Variants in ENTHD1 observed in about 807,000 individuals in gnomAD.
ENTHD1 encodes ENTH domain containing 1.
ENTHD1 carries 23 observed loss-of-function variants against 39.1 expected under a neutral mutation model. That is an observed-to-expected ratio of 0.59 (90% CI 0.42 to 0.83). ENTHD1 has a LOEUF of 0.83. ENTHD1 is among the 40% of genes least tolerant of loss of function. The pLI is 0.00. For missense variants in ENTHD1, 624 were observed against 705.4 expected (o/e 0.88, Z 1.31); for synonymous variants, 230 against 258.2 (o/e 0.89, Z 1.05).
At chr22:39,841,721 A>C (rs2065945583) in intron 3 of ENTHD1, among the ~76,000 whole-genome samples, 2 of 150,224 alleles carry the variant, frequency 1.3e-5, no homozygotes, top group African/African-American at 4.9e-5. Flanking sequence ...TAATTGGAGC[A>C]TTTAGTCCAT....
At chr22:39,845,255 T>C (rs1189397689) in intron 3 of ENTHD1, among the ~76,000 whole-genome samples, 1 of 152,190 alleles carries the variant, frequency 6.6e-6, no homozygotes, top group Non-Finnish European at 1.5e-5. Flanking sequence ...GGGCCCATGT[T>C]AACCCCATTT....
rs115868263 is a variant in ENTHD1 at position 39,802,949 on chromosome 22, G to A, written c.832+18044C>T. The stretch of plus-strand genomic sequence containing the variant: ...TTCCATTGCCAGTGCCTTTGTCCTC[G>A]GTCACGGTCACTTGGATAGTCAATA... On this transcript the variant is annotated intron_variant, in intron 5 of 6. Transcript: ENST00000325157. Among the ~76,000 whole-genome samples, 412 of 152,200 alleles carry A rather than the reference G, an allele frequency of 2.7e-3. 1 individual carries two copies. Among genetic ancestry groups the A allele is most frequent in the African/African-American group, 9.4e-3 (389 of 41,528 alleles).
chr22:39,813,639 A>G (rs894947090), intron 5 of ENTHD1, among the ~76,000 whole-genome samples: 1 of 152,234 alleles, frequency 6.6e-6, no homozygotes, highest in Non-Finnish European at 1.5e-5. Context: ...AAATGTTTAA[A>G]TCATTCTCAT....
intron 4 of ENTHD1, among the ~76,000 whole-genome samples, chr22:39,835,390 G>A (rs772776768): frequency 7.9e-5 from 12 of 151,994 alleles, no homozygotes; most frequent in African/African-American, 1.7e-4. Context: ...GTACAAAGAA[G>A]GACTCTATCT....
rs756864673 is a variant in ENTHD1 at position 39,765,289 on chromosome 22, C to G, written c.1153G>C (p.Ala385Pro). ...DRVKEIVINK[A>P]YQKPAQSSIQ... ...CTGGATTGTGCTGGTTTCTGGTAGG[C>G]CTTGTTGATTACAATCTCCTTCACT... The change falls in exon 6 of 7, where the codon GCC becomes CCC. Residue 385 changes from alanine to proline, a missense_variant. Coordinates refer to ENST00000325157, the MANE Select transcript of ENTHD1 (RefSeq NM_152512.4). 30 of 1,613,096 alleles carry G rather than the reference C, an allele frequency of 1.9e-5. No individual in the cohort carries two copies. The highest frequency in any genetic ancestry group is 2.5e-5 in the Non-Finnish European group (29 of 1,179,864).
At chr22:39,763,887 C>T (rs539072048) in intron 6 of ENTHD1, among the ~76,000 whole-genome samples, 29 of 152,108 alleles carry the variant, frequency 1.9e-4, no homozygotes, top group Non-Finnish European at 3.7e-4. Context: ...AACTTCCCAG[C>T]GACAGCCAGG....
chr22:39,788,241 T>C (rs1204764076), intron 5 of ENTHD1, among the ~76,000 whole-genome samples: 1 of 152,220 alleles, frequency 6.6e-6, no homozygotes, highest in East Asian at 1.9e-4. Flanking sequence ...GGATTCACCA[T>C]TCTAGATGTC....
intron 6 of ENTHD1, among the ~76,000 whole-genome samples, chr22:39,761,226 G>A (rs1282566110): frequency 6.6e-6 from 1 of 151,966 alleles, no homozygotes; most frequent in African/African-American, 2.4e-5. Flanking sequence ...GGGTTAATAG[G>A]TTTTGTCATT....
At chr22:39,799,828 C>A (rs1204489978) in intron 5 of ENTHD1, among the ~76,000 whole-genome samples, 1 of 152,206 alleles carries the variant, frequency 6.6e-6, no homozygotes, top group Non-Finnish European at 1.5e-5. Flanking sequence ...CACTGGGGAC[C>A]CTGTCACTTC....
intron 3 of ENTHD1, among the ~76,000 whole-genome samples, chr22:39,840,348 C>T (rs948250800): frequency 2.6e-5 from 4 of 152,240 alleles, no homozygotes; most frequent in Admixed American, 6.5e-5. Flanking sequence ...CCACTGAGCC[C>T]GCACCACTCA....
intron 5 of ENTHD1, among the ~76,000 whole-genome samples, chr22:39,803,643 T>C (rs1436516920): frequency 6.6e-6 from 1 of 152,148 alleles, no homozygotes; most frequent in Non-Finnish European, 1.5e-5. Context: ...AATTAACACC[T>C]AGATGCTGAT....
chr22:39,830,979 AATGGTAAGGAGAGGC>A (rs1211781084), intron 4 of ENTHD1, among the ~76,000 whole-genome samples: 4 of 152,216 alleles, frequency 2.6e-5, no homozygotes, highest in African/African-American at 9.7e-5. Context: ...AGAAACAAAT[AATGGTAAGGAGAGGC>A]TGAAGCTGTG....
At chr22:39,824,947 A>G (rs2065815196) in intron 4 of ENTHD1, among the ~76,000 whole-genome samples, 1 of 152,222 alleles carries the variant, frequency 6.6e-6, no homozygotes, top group South Asian at 2.1e-4. Context: ...ATCTACCCCT[A>G]TAGAAAACCT....
intron 3 of ENTHD1, among the ~76,000 whole-genome samples, chr22:39,837,489 C>T (rs2065914939): frequency 6.6e-6 from 1 of 152,054 alleles, no homozygotes; most frequent in South Asian, 2.1e-4. Context: ...TCTAAGGCAC[C>T]AAATAATAGT....
chr22:39,814,388 A>C (rs2065717668), intron 5 of ENTHD1, among the ~76,000 whole-genome samples: 1 of 152,104 alleles, frequency 6.6e-6, no homozygotes, highest in Non-Finnish European at 1.5e-5. Context: ...TGAGCCCAGG[A>C]AGTTGAGGCT....
At chr22:39,851,820 A>C (rs758675455) in intron 3 of ENTHD1, among the ~76,000 whole-genome samples, 10 of 152,238 alleles carry the variant, frequency 6.6e-5, no homozygotes, top group Non-Finnish European at 1.2e-4. Flanking sequence ...TTTTTCAAAA[A>C]GAGAAACTTA....
rs2065083833 is a variant in ENTHD1, at chr22:39,744,074, G to C, written c.1429C>G (p.Pro477Ala). ...KLHHSFASRG[P>A]VSSDVEENDS... ...TTTTCCTCTACATCAGAAGACACTGGGCCCCTAGAAGCAAAGGAGTGATGC... is the reference window on the plus strand; with the variant it reads ...TTTTCCTCTACATCAGAAGACACTGCGCCCCTAGAAGCAAAGGAGTGATGC... Residue 477 changes from proline (P) to alanine (A), a missense_variant, in exon 7 of 7, where the codon CCA becomes GCA. Coordinates refer to ENST00000325157, the MANE Select transcript of ENTHD1 (RefSeq NM_152512.4). 6.2e-7 allele frequency: 1 copy of C among 1,613,962 alleles called. No individual in the cohort carries two copies. Among genetic ancestry groups the C allele is most frequent in the South Asian group, 1.1e-5 (1 of 91,064 alleles).
chr22:39,863,278 A>G (rs1490452449), intron 2 of ENTHD1, among the ~76,000 whole-genome samples: 3 of 152,190 alleles, frequency 2.0e-5, no homozygotes, highest in Non-Finnish European at 4.4e-5. Context: ...GTTACCTTAC[A>G]GGGGTACAGT....
intron 2 of ENTHD1, among the ~76,000 whole-genome samples, chr22:39,866,464 A>G (rs949518528): frequency 6.6e-6 from 1 of 152,236 alleles, no homozygotes; most frequent in Non-Finnish European, 1.5e-5. Flanking sequence ...GAAATAAAGA[A>G]GGGTGATGTG....
Sources: allele counts gnomAD v4.1 joint callset (sites outside exome capture counted in the v4.1 genomes callset), GRCh38; gene constraint gnomAD v4.1.1; transcripts MANE v1.5; gene names NCBI Gene and HGNC (gene_info 2026-07-23, HGNC 2026-07-21).